The following NAF1 variants were observed in gnomAD, a reference collection of about 807,000 sequenced individuals.
The protein encoded by NAF1 is H/ACA ribonucleoprotein complex non-core subunit NAF1.
In NAF1, 11 loss-of-function variants were observed where a neutral mutation model predicts 40.6. The observed-to-expected ratio is 0.27, with a 90% CI of 0.17 to 0.45. The LOEUF (loss-of-function observed/expected upper bound fraction) is 0.45, where lower values mean the gene tolerates loss of function less well. Ranked by LOEUF, NAF1 falls within the 20% of genes least tolerant of loss-of-function variation. NAF1 has a pLI of 1.00. For missense variants in NAF1, 607 were observed against 611.1 expected (o/e 0.99, Z 0.07); for synonymous variants, 260 against 228.5 (o/e 1.14, Z -1.24).
rs754980321 is a variant in NAF1, at chr4:163,164,326, G to A, written c.431C>T (p.Ser144Phe). 6 of 1,601,450 alleles carry A rather than the reference G, an allele frequency of 3.7e-6. No homozygotes were observed. The South Asian group carries it at 6.8e-5, about 18-fold the overall frequency. ...CACTGGAGGAAGTGATATACAAGAG[G>A]AAGAAGACGACGATGAGGAAGATGA... ...SSSSSSSSSS[S>F]SCISLPPVLS... is the part of the protein sequence containing the mutation. Residue 144 changes from serine to phenylalanine, a missense_variant, in exon 2 of 8, where the codon TCC becomes TTC. Physicochemically the swap from Ser to Phe is radical, Grantham distance 155 (BLOSUM62 -2). Transcript: ENST00000274054.
chr4:163,115,331 C>T (rs1009170744), intron 2 of NAF1, among the ~76,000 whole-genome samples: 1 of 151,494 alleles, frequency 6.6e-6, no homozygotes, highest in African/African-American at 2.4e-5. Context: ...GCCTCAGCCT[C>T]CCGAGTAGCT....
chr4:163,138,457 TA>T (rs1560790956), intron 5 of NAF1, among the ~76,000 whole-genome samples: 1 of 151,946 alleles, frequency 6.6e-6, no homozygotes, highest in Admixed American at 6.6e-5. Context: ...CAAAATCTAC[TA>T]AAGGAAAGAT....
intron 4 of NAF1, among the ~76,000 whole-genome samples, chr4:163,145,482 G>C (rs775351412): frequency 6.6e-6 from 1 of 152,180 alleles, no homozygotes; most frequent in Non-Finnish European, 1.5e-5. Flanking sequence ...CTGGACGGTA[G>C]GAAACGATGT....
chr4:163,137,272 G>A (rs1439906058), intron 5 of NAF1, 22 bp from the exon 6 acceptor site: 3 of 1,592,472 alleles, frequency 1.9e-6, no homozygotes, highest in Admixed American at 1.8e-5. Flanking sequence ...GGGGATGGGA[G>A]TCAAAAAAGT....
At chr4:163,123,614 C>G (rs1203278885), downstream of NAF1, among the ~76,000 whole-genome samples, 2 of 152,150 alleles carry the variant, frequency 1.3e-5, 1 homozygote, top group Non-Finnish European at 2.9e-5. Flanking sequence ...AACTCCTGGG[C>G]TCTAGCAATC....
At chr4:163,143,594 T>C (rs1051208157) in intron 4 of NAF1, among the ~76,000 whole-genome samples, 5 of 152,136 alleles carry the variant, frequency 3.3e-5, no homozygotes, top group African/African-American at 1.2e-4. Context: ...AACTCCCAGT[T>C]TTTCTATTAT....
downstream of NAF1, among the ~76,000 whole-genome samples, chr4:163,107,934 G>C (rs1464916126): frequency 6.6e-6 from 1 of 152,042 alleles, no homozygotes; most frequent in Admixed American, 6.6e-5. Context: ...TATCCCCTTG[G>C]GGGCGATATT....
At chr4:163,163,625 C>T (rs1191217834) in intron 2 of NAF1, among the ~76,000 whole-genome samples, 2 of 145,872 alleles carry the variant, frequency 1.4e-5, no homozygotes, top group Non-Finnish European at 2.9e-5. Flanking sequence ...AATAACCTTG[C>T]AAGAGTTAAC....
chr4:163,152,191 C>G (rs754567221), intron 2 of NAF1, among the ~76,000 whole-genome samples: 7 of 152,148 alleles, frequency 4.6e-5, no homozygotes, highest in Non-Finnish European at 1.0e-4. Flanking sequence ...ATCGGAATTT[C>G]TTTTTAATGG....
downstream of NAF1, chr4:163,126,590 C>T: frequency 6.5e-6 from 1 of 154,262 alleles, no homozygotes; most frequent in Non-Finnish European, 1.4e-5. Context: ...GGTGAAGACG[C>T]TATGAACACT....
chr4:163,121,773 C>G (rs902174445), downstream of NAF1, among the ~76,000 whole-genome samples: 1 of 152,126 alleles, frequency 6.6e-6, no homozygotes, highest in African/African-American at 2.4e-5. Flanking sequence ...ATTCTAAATA[C>G]CCTGAGCAGG....
chr4:163,144,309 A>T (rs183336631), intron 4 of NAF1, among the ~76,000 whole-genome samples: 7 of 152,286 alleles, frequency 4.6e-5, no homozygotes, highest in African/African-American at 1.4e-4. Flanking sequence ...ACTTTTTAGC[A>T]AGGTTTCTCA....
intron 6 of NAF1, chr4:163,133,580 T>TGAATTTAATGAGCCTGGTGAGTGAATACA: frequency 4.8e-6 from 1 of 208,964 alleles, no homozygotes. Flanking sequence ...CTAAGCAAAT[T>TGAATTTAATGAGCCTGGTGAGTGAATACA]ATATATATTA....
rs1732474710 is a variant in NAF1, at chr4:163,166,469, C to T, written c.259G>A (p.Ala87Thr). The T allele has an allele frequency of 1.2e-6, 2 of 1,603,810 alleles. No homozygotes were observed. Among genetic ancestry groups the T allele is most frequent in the Non-Finnish European group, 1.7e-6 (2 of 1,175,220 alleles). Reference protein sequence around the residue: ...GTPAPQPQPPAESPACGDCVT... With the variant: ...GTPAPQPQPPTESPACGDCVT... ...CAGTCTCCGCAGGCCGGCGATTCAG[C>T]CGGTGGCTGTGGCTGCGGCGCCGGG... The change falls in exon 1 of 8, where the codon GCT (alanine) becomes ACT (threonine). Residue 87 changes from alanine to threonine, a missense_variant. By Grantham distance (58) the Ala-to-Thr change is moderately conservative. Coordinates refer to ENST00000274054, the MANE Select transcript of NAF1 (RefSeq NM_138386.3).
the NAF1 span, among the ~76,000 whole-genome samples, chr4:163,104,849 G>A: frequency 2.6e-5 from 4 of 152,164 alleles, no homozygotes; most frequent in Non-Finnish European, 4.4e-5. Flanking sequence ...GACTAGGAAA[G>A]CTATTATTTG....
chr4:163,148,055 T>C (rs960883038), intron 3 of NAF1, among the ~76,000 whole-genome samples: 2 of 151,840 alleles, frequency 1.3e-5, no homozygotes, highest in African/African-American at 4.8e-5. Context: ...AGTCACTAAG[T>C]TTGCAGTAAT....
rs536407284 is a variant in NAF1, at chr4:163,161,433, C to A, written c.540+2784G>T. Among the ~76,000 whole-genome samples the A allele has an allele frequency of 1.6e-4, 24 of 152,032 alleles. No individual in the cohort carries two copies. In the South Asian group the frequency reaches 4.8e-3, roughly 30 times the overall value. On this transcript the variant is annotated intron_variant, in intron 2 of 7. Coordinates refer to ENST00000274054, the MANE Select transcript of NAF1 (RefSeq NM_138386.3). ...GGTTACAGTGAGTCGAGATCGGCCA[C>A]TGGGCTCCGGCCTGGGCGACAAGAG...
downstream of NAF1, among the ~76,000 whole-genome samples, chr4:163,125,517 G>C (rs185502565): frequency 2.0e-5 from 3 of 152,208 alleles, no homozygotes; most frequent in Admixed American, 6.5e-5. Flanking sequence ...TCCAGAGCGG[G>C]CCCTAACTCT....
chr4:163,151,517 AAAAC>A (rs1485875923), intron 2 of NAF1, among the ~76,000 whole-genome samples: 1 of 152,084 alleles, frequency 6.6e-6, no homozygotes, highest in African/African-American at 2.4e-5. Flanking sequence ...ACTGATTTGA[AAAAC>A]AAACTTTAAC....
Sources: allele counts gnomAD v4.1 joint callset (sites outside exome capture counted in the v4.1 genomes callset), GRCh38; gene constraint gnomAD v4.1.1; transcripts MANE v1.5; gene names NCBI Gene and HGNC (gene_info 2026-07-23, HGNC 2026-07-21).